MAP4K5: variants seen among roughly 807,000 people sequenced by gnomAD.
The protein encoded by MAP4K5 is mitogen-activated protein kinase kinase kinase kinase 5, also known as MAPK/ERK kinase kinase kinase 5.
Under a neutral mutation model 135.6 loss-of-function variants are expected in MAP4K5, and 82 were observed. The ratio of observed to expected loss-of-function variants is 0.60; its 90% CI spans 0.51 to 0.73. The LOEUF is 0.73. Among genes scored for constraint, MAP4K5 ranks in the 30% least tolerant of loss-of-function variants. MAP4K5 has a pLI of 0.00. For synonymous variants in MAP4K5, 347 were observed against 335.0 expected (o/e 1.04, Z -0.39); for missense variants, 907 against 1,010.9 (o/e 0.90, Z 1.39).
Position 50,444,038 on chromosome 14 carries a change from T to A in MAP4K5, c.1340-2A>T. The A allele has an allele frequency of 1.9e-6, 3 of 1,586,714 alleles. No homozygotes were observed. Among genetic ancestry groups the A allele is most frequent in the Non-Finnish European group, 2.6e-6 (3 of 1,161,984 alleles). On this transcript the variant is annotated splice_acceptor_variant, in intron 18 of 32. Coordinates refer to ENST00000682126, the MANE Select transcript of MAP4K5 (RefSeq NM_006575.6). LOFTEE classifies it high-confidence loss of function. ...GTTTTGAAATACCATCACCATTTCCTAAAGAGAATCATGTTAAAAGTTGAA... is the reference window on the plus strand; with the variant it reads ...GTTTTGAAATACCATCACCATTTCCAAAAGAGAATCATGTTAAAAGTTGAA...
intron 23 of MAP4K5, among the ~76,000 whole-genome samples, chr14:50,439,434 G>C (rs2036175191): frequency 6.6e-6 from 1 of 150,672 alleles, no homozygotes; most frequent in African/African-American, 2.4e-5. Flanking sequence ...ATCTTGTTCA[G>C]AAGACCTTAA....
At chr14:50,513,120 G>T (rs1044398797) in intron 2 of MAP4K5, among the ~76,000 whole-genome samples, 1 of 152,130 alleles carries the variant, frequency 6.6e-6, no homozygotes, top group East Asian at 1.9e-4. Context: ...ATGTGGAAAA[G>T]ATAAACTCAT....
At chr14:50,549,765 A>G (rs2140158068) in intron 1 of MAP4K5, among the ~76,000 whole-genome samples, 2 of 152,310 alleles carry the variant, frequency 1.3e-5, no homozygotes, top group Middle Eastern at 3.4e-3. Flanking sequence ...CTCACAGAAA[A>G]AAAAGGAATG....
chr14:50,470,196 T>C (rs2036926209), intron 9 of MAP4K5, among the ~76,000 whole-genome samples: 1 of 152,148 alleles, frequency 6.6e-6, no homozygotes, highest in East Asian at 1.9e-4. Flanking sequence ...ACTATGACTG[T>C]TGCACTTCCT....
chr14:50,560,143 TCA>T (rs2038817217), intron 1 of MAP4K5: 2 of 1,177,540 alleles, frequency 1.7e-6, no homozygotes, highest in Non-Finnish European at 1.2e-6. Context: ...AGCAACATCC[TCA>T]GAGTCTGAGC....
At chr14:50,454,240 T>C (rs138883965) in intron 14 of MAP4K5, among the ~76,000 whole-genome samples, 5 of 152,292 alleles carry the variant, frequency 3.3e-5, no homozygotes, top group South Asian at 2.1e-4. Context: ...GAGATCAGAA[T>C]AGTAATTCGC....
At chr14:50,431,386 A>T (rs936531938) in intron 28 of MAP4K5, among the ~76,000 whole-genome samples, 1 of 152,114 alleles carries the variant, frequency 6.6e-6, no homozygotes, top group Non-Finnish European at 1.5e-5. Flanking sequence ...ATATCTCCCA[A>T]TGCTATCCCT....
At chr14:50,530,171 G>A (rs2038356192) in intron 2 of MAP4K5, among the ~76,000 whole-genome samples, 1 of 152,224 alleles carries the variant, frequency 6.6e-6, no homozygotes, top group Non-Finnish European at 1.5e-5. Context: ...CATGTGTTAA[G>A]GGGTGAAGGT....
intron 3 of MAP4K5, among the ~76,000 whole-genome samples, chr14:50,489,561 C>G (rs1486811235): frequency 6.6e-6 from 1 of 152,126 alleles, no homozygotes; most frequent in Non-Finnish European, 1.5e-5. Context: ...ATTTTTCTTC[C>G]TGACTTTACA....
At position 50,466,633 on chromosome 14, in the gene MAP4K5, T is replaced by A; in HGVS notation, c.687A>T (p.Leu229Phe). ...FDLHPMRALF[L>F]MSKSNFQPPK... ...GAGGCTGAAAATTACTTTTTGACAT[T>A]AAGAAGAGAGCCCTGAAATAAAAAT... Residue 229 changes from leucine (L) to phenylalanine (F), a missense_variant, in exon 11 of 33, where the codon TTA (leucine) becomes TTT (phenylalanine). Transcript: ENST00000682126. 7.0e-7 allele frequency: 1 copy of A among 1,438,428 alleles called. No homozygotes were observed. The highest frequency in any genetic ancestry group is 9.6e-7 in the Non-Finnish European group (1 of 1,045,288). The allele number at this position is 1,438,428 out of a possible 1,614,324, so 89.1% of individuals were successfully genotyped here. A position where few individuals can be genotyped will look rare whatever the true frequency, so the allele number is the denominator to read the frequency against.
intron 17 of MAP4K5, 32 bp downstream of exon 17, chr14:50,446,047 G>C: frequency 7.0e-7 from 1 of 1,422,748 alleles, no homozygotes; most frequent in Non-Finnish European, 9.4e-7. Context: ...TTTAAATAAG[G>C]ATTTAGTGTT....
chr14:50,481,575 A>G (rs1273706067), intron 6 of MAP4K5, among the ~76,000 whole-genome samples: 1 of 152,144 alleles, frequency 6.6e-6, no homozygotes, highest in African/African-American at 2.4e-5. Context: ...ACAAACCACA[A>G]TCACTACTAC....
chr14:50,419,110 T>TC lies in MAP4K5; in HGVS notation c.*908dup, dbSNP rs2035667567. ...TACATATCATGGGCAATTAAATACT[T>TC]CCCCCTGCTACATTAGGGATGATAA... On this transcript the variant is annotated 3_prime_UTR_variant, in exon 33 of 33. Coordinates refer to ENST00000682126, the MANE Select transcript of MAP4K5 (RefSeq NM_006575.6). 6.6e-6 allele frequency: 1 copy of TC among 152,146 alleles called. No individual in the cohort carries two copies. Among genetic ancestry groups the TC allele is most frequent in the African/African-American group, 2.4e-5 (1 of 41,518 alleles). 9.4% of individuals were successfully genotyped at this position (152,146 alleles called of 1,614,324 possible).
At chr14:50,523,927 G>A (rs542210217) in intron 2 of MAP4K5, among the ~76,000 whole-genome samples, 130 of 152,242 alleles carry the variant, frequency 8.5e-4, no homozygotes, top group Non-Finnish European at 1.5e-3. Flanking sequence ...AACCATGCTC[G>A]CAGTGGAACA....
intron 28 of MAP4K5, among the ~76,000 whole-genome samples, chr14:50,431,922 C>A (rs2035979789): frequency 6.6e-6 from 1 of 152,332 alleles, no homozygotes; most frequent in South Asian, 2.1e-4. Flanking sequence ...CATTGTCTCC[C>A]TTGAAAACTG....
chr14:50,461,620 T>C (rs2036712945), intron 13 of MAP4K5, among the ~76,000 whole-genome samples: 1 of 152,028 alleles, frequency 6.6e-6, no homozygotes, highest in Admixed American at 6.6e-5. Flanking sequence ...AATTGTGTTG[T>C]TATAGAAAAT....
At chr14:50,463,745 G>A (rs1362314385) in intron 12 of MAP4K5, among the ~76,000 whole-genome samples, 1 of 151,610 alleles carries the variant, frequency 6.6e-6, no homozygotes, top group African/African-American at 2.4e-5. Context: ...TTAGCCAGGT[G>A]GTAGTGGCAC....
chr14:50,512,361 T>G (rs909774759), intron 2 of MAP4K5, among the ~76,000 whole-genome samples: 1 of 152,126 alleles, frequency 6.6e-6, no homozygotes, highest in Non-Finnish European at 1.5e-5. Flanking sequence ...TTGATTTTTT[T>G]AGAGATTCTG....
At chr14:50,429,802 G>C (rs1566634130) in intron 28 of MAP4K5, among the ~76,000 whole-genome samples, 1 of 152,104 alleles carries the variant, frequency 6.6e-6, no homozygotes, top group Non-Finnish European at 1.5e-5. Context: ...GTAACATAAT[G>C]AACAATATTG....
Sources: gnomAD v4.1 joint callset for allele counts (sites outside exome capture counted in the v4.1 genomes callset) on GRCh38, gnomAD v4.1.1 for gene constraint, MANE v1.5 for transcripts, NCBI Gene and HGNC (gene_info 2026-07-23, HGNC 2026-07-21) for gene names.